PHF2: variants seen among roughly 807,000 people sequenced by gnomAD.
PHF2 encodes lysine-specific demethylase PHF2.
Under a neutral mutation model 120.5 loss-of-function variants are expected in PHF2, and 27 were observed. The observed-to-expected ratio is 0.22, with a 90% CI of 0.17 to 0.31. The LOEUF is 0.31. Ranked by LOEUF, PHF2 falls within the 10% of genes least tolerant of loss-of-function variation. PHF2 has a pLI of 1.00. For synonymous variants in PHF2, 568 were observed against 592.5 expected (o/e 0.96, Z 0.60); for missense variants, 1,024 against 1,434.8 (o/e 0.71, Z 4.63).
chr9:93,634,122 A>T (rs993631349), intron 2 of PHF2, among the ~76,000 whole-genome samples: 4 of 152,030 alleles, frequency 2.6e-5, no homozygotes, highest in Non-Finnish European at 5.9e-5. Context: ...TTTCCTCCCT[A>T]GGTCCCACTT....
chr9:93,674,606 G>A (rs1026349247), intron 18 of PHF2, among the ~76,000 whole-genome samples: 5 of 152,136 alleles, frequency 3.3e-5, no homozygotes, highest in African/African-American at 1.2e-4. Flanking sequence ...ACAGATGTAC[G>A]GAGGGCAGCC....
In PHF2 at chr9:93,677,210, G is replaced by C. The variant is rs1234565852; in HGVS notation, c.3202+247G>C. 6.6e-6 allele frequency among the ~76,000 whole-genome samples: 1 copy of C among 151,100 alleles called. No individual in the cohort carries two copies. Among genetic ancestry groups the C allele is most frequent in the Non-Finnish European group, 1.5e-5 (1 of 67,876 alleles). ...CAGCCCCTGATCTGCCTGCACCCCT[G>C]CACCCCAGCCGTGGGGCCGGCCAGC... On this transcript the variant is annotated intron_variant, in intron 21 of 21. Coordinates refer to ENST00000359246, the MANE Select transcript of PHF2 (RefSeq NM_005392.4). The surrounding 1 kb of genome is among the most constrained non-coding windows in gnomAD (Gnocchi z 4.4).
chr9:93,649,413 C>CA (rs1238142182), intron 5 of PHF2, among the ~76,000 whole-genome samples: 1 of 137,070 alleles, frequency 7.3e-6, no homozygotes, highest in Non-Finnish European at 1.5e-5. Context: ...GACTGGCCCA[C>CA]AGCTGACTGT....
At chr9:93,666,160 T>C (rs1826676901) in intron 16 of PHF2, 100 bp downstream of exon 16, 1 of 1,272,822 alleles carries the variant, frequency 7.9e-7, no homozygotes, top group African/African-American at 1.5e-5. Context: ...TGGGGGTGTT[T>C]CTGCATGAGA....
rs1161668260 is a variant in PHF2, at chr9:93,677,375, G to A, written c.3203-213G>A. Among the ~76,000 whole-genome samples the A allele has an allele frequency of 1.3e-5, 2 of 151,850 alleles. No homozygotes were observed. The highest frequency in any genetic ancestry group is 2.4e-5 in the African/African-American group (1 of 41,338). Reference sequence around the variant, plus strand: ...TCCATCCTACCTGCCAGGGCCCCTTGAGGACACGGCCTCTGAGGCGGAGGC... The same window carrying A: ...TCCATCCTACCTGCCAGGGCCCCTTAAGGACACGGCCTCTGAGGCGGAGGC... On this transcript the variant is annotated intron_variant, in intron 21 of 21. Transcript: ENST00000359246. The surrounding 1 kb of genome is among the most constrained non-coding windows in gnomAD (Gnocchi z 4.4).
intron 1 of PHF2, among the ~76,000 whole-genome samples, chr9:93,605,517 A>G (rs1825526024): frequency 6.6e-6 from 1 of 152,078 alleles, no homozygotes; most frequent in Non-Finnish European, 1.5e-5. Context: ...CCCTCCCAGT[A>G]CCCCCAAACC....
At chr9:93,659,209 C>G (rs891592540) in intron 10 of PHF2, among the ~76,000 whole-genome samples, 1 of 152,266 alleles carries the variant, frequency 6.6e-6, no homozygotes, top group African/African-American at 2.4e-5. Flanking sequence ...GCCACCTCAC[C>G]TTAGCCATGT....
At chr9:93,584,343 C>T (rs1218943377) in intron 1 of PHF2, among the ~76,000 whole-genome samples, 1 of 152,150 alleles carries the variant, frequency 6.6e-6, no homozygotes, top group Non-Finnish European at 1.5e-5. Context: ...TACAGGTTTA[C>T]TTCTGTGATT....
chr9:93,644,676 C>T (rs1032381993), intron 3 of PHF2, among the ~76,000 whole-genome samples: 1 of 152,178 alleles, frequency 6.6e-6, no homozygotes, highest in East Asian at 1.9e-4. Flanking sequence ...CAAACAGAGG[C>T]TGTTCTAGCG....
At chr9:93,659,054 A>G (rs1826513073) in intron 10 of PHF2, among the ~76,000 whole-genome samples, 1 of 152,206 alleles carries the variant, frequency 6.6e-6, no homozygotes, top group Non-Finnish European at 1.5e-5. Flanking sequence ...GCCTTCAGGG[A>G]ATACAGGCTG....
At chr9:93,595,126 A>C (rs1317540203) in intron 1 of PHF2, among the ~76,000 whole-genome samples, 1 of 152,234 alleles carries the variant, frequency 6.6e-6, no homozygotes, top group Non-Finnish European at 1.5e-5. Flanking sequence ...GGGTACTTAC[A>C]GATGCTAAAT....
chr9:93,579,956 G>A (rs369891492), intron 1 of PHF2, among the ~76,000 whole-genome samples: 8 of 152,298 alleles, frequency 5.3e-5, no homozygotes, highest in Middle Eastern at 3.4e-3. Flanking sequence ...GGGCTGCCCC[G>A]CTGGCCTGGG....
chr9:93,593,984 A>G (rs1352156024), intron 1 of PHF2, among the ~76,000 whole-genome samples: 1 of 152,256 alleles, frequency 6.6e-6, no homozygotes, highest in South Asian at 2.1e-4. Context: ...GAGTAAGACC[A>G]TCAGGGTTTA....
intron 1 of PHF2, among the ~76,000 whole-genome samples, chr9:93,623,256 A>AT (rs746833650): frequency 1.3e-5 from 2 of 152,208 alleles, no homozygotes; most frequent in Non-Finnish European, 2.9e-5. Context: ...GCAATATATT[A>AT]TAACATGTAT....
At chr9:93,598,272 T>C (rs1211180647) in intron 1 of PHF2, among the ~76,000 whole-genome samples, 1 of 152,162 alleles carries the variant, frequency 6.6e-6, no homozygotes, top group East Asian at 1.9e-4. Flanking sequence ...CAAGTGAGCA[T>C]CAGACTTAGC....
At chr9:93,636,907 C>T (rs1321578422) in intron 3 of PHF2, among the ~76,000 whole-genome samples, 2 of 152,248 alleles carry the variant, frequency 1.3e-5, no homozygotes, top group Admixed American at 6.5e-5. Flanking sequence ...CAGGCGTTGT[C>T]CTCATGTCTC....
intron 2 of PHF2, among the ~76,000 whole-genome samples, chr9:93,632,312 G>T (rs983291899): frequency 6.6e-6 from 1 of 152,092 alleles, no homozygotes; most frequent in Non-Finnish European, 1.5e-5. Flanking sequence ...CCCAGCCCCT[G>T]CCTGGCTGTA....
intron 17 of PHF2, among the ~76,000 whole-genome samples, chr9:93,671,343 A>T (rs1484319598): frequency 2.3e-4 from 24 of 104,570 alleles, no homozygotes; most frequent in East Asian, 6.0e-4. Context: ...TGGGTGTGGG[A>T]GTAGGGTCAG....
intron 12 of PHF2, 23 bp from the exon 13 acceptor site, chr9:93,662,884 G>A: frequency 6.2e-7 from 1 of 1,613,402 alleles, no homozygotes; most frequent in Non-Finnish European, 8.5e-7. Flanking sequence ...CTGCCTCTGG[G>A]TCACAGCAGC....
Sources: gnomAD v4.1 joint callset for allele counts (sites outside exome capture counted in the v4.1 genomes callset) on GRCh38, gnomAD v4.1.1 for gene constraint, Gnocchi (gnomAD v3.1) non-coding constraint, MANE v1.5 for transcripts, NCBI Gene and HGNC (gene_info 2026-07-23, HGNC 2026-07-21) for gene names.